Variants in ENTREP2 observed in about 807,000 individuals in gnomAD.
ENTREP2 encodes endosomal transmembrane epsin interactor 2.
chr15:29,203,169 G>A, the ENTREP2 span, among the ~76,000 whole-genome samples: 1 of 152,226 alleles, frequency 6.6e-6, no homozygotes, highest in South Asian at 2.1e-4. Context: ...TTGGGAGGCC[G>A]AGGCAGGCGG....
the ENTREP2 span, among the ~76,000 whole-genome samples, chr15:29,645,048 C>T: frequency 6.6e-6 from 1 of 152,006 alleles, no homozygotes; most frequent in Non-Finnish European, 1.5e-5. Context: ...AAGGTGCCAT[C>T]TCTGAAAAAA....
chr15:29,391,987 G>C, the ENTREP2 span, among the ~76,000 whole-genome samples: 1 of 152,130 alleles, frequency 6.6e-6, no homozygotes. Context: ...ACCATGCCTG[G>C]CTAATTTTTT....
At chr15:29,618,209 G>T in the ENTREP2 span, among the ~76,000 whole-genome samples, 6 of 152,096 alleles carry the variant, frequency 3.9e-5, no homozygotes, top group Non-Finnish European at 8.8e-5. Context: ...AGATCACAAG[G>T]TCAGGAGTTC....
At chr15:29,286,142 C>T in the ENTREP2 span, among the ~76,000 whole-genome samples, 1 of 152,082 alleles carries the variant, frequency 6.6e-6, no homozygotes, top group African/African-American at 2.4e-5. Context: ...ACAAAGAAAG[C>T]TGCCATCATC....
At chr15:29,471,396 G>A in the ENTREP2 span, among the ~76,000 whole-genome samples, 5 of 152,240 alleles carry the variant, frequency 3.3e-5, no homozygotes, top group African/African-American at 7.2e-5. Context: ...GGACTGGGAT[G>A]TGCTACAAAT....
chr15:29,471,214 T>C, the ENTREP2 span, among the ~76,000 whole-genome samples: 1 of 152,250 alleles, frequency 6.6e-6, no homozygotes, highest in South Asian at 2.1e-4. Flanking sequence ...TTTCACATAC[T>C]GAGCTTCCTC....
the ENTREP2 span, among the ~76,000 whole-genome samples, chr15:29,465,026 A>C: frequency 6.6e-6 from 1 of 152,204 alleles, no homozygotes; most frequent in Non-Finnish European, 1.5e-5. Flanking sequence ...GGAAAGGAAA[A>C]AAGCATGGGG....
the ENTREP2 span, among the ~76,000 whole-genome samples, chr15:29,431,505 T>C: frequency 6.6e-6 from 1 of 152,064 alleles, no homozygotes; most frequent in Non-Finnish European, 1.5e-5. Flanking sequence ...GGAGACATTT[T>C]ACAGACATGC....
chr15:29,443,960 C>G, the ENTREP2 span, among the ~76,000 whole-genome samples: 4 of 151,944 alleles, frequency 2.6e-5, no homozygotes, highest in African/African-American at 4.8e-5. Flanking sequence ...AAACATTAGC[C>G]AGGCGTGATG....
chr15:29,139,496 T>A, the ENTREP2 span, among the ~76,000 whole-genome samples: 1 of 152,204 alleles, frequency 6.6e-6, no homozygotes, highest in African/African-American at 2.4e-5. Context: ...CTATCAGAAA[T>A]TAGAAAAAAT....
the ENTREP2 span, among the ~76,000 whole-genome samples, chr15:29,471,992 G>A: frequency 6.6e-6 from 1 of 152,140 alleles, no homozygotes; most frequent in African/African-American, 2.4e-5. Flanking sequence ...CTGGGGTGGA[G>A]CAGAGGGTGG....
chr15:29,474,284 G>A, the ENTREP2 span, among the ~76,000 whole-genome samples: 1 of 152,062 alleles, frequency 6.6e-6, no homozygotes, highest in Non-Finnish European at 1.5e-5. Context: ...TGGGGCGGGG[G>A]CCATCCCCAC....
At chr15:29,603,547 G>A in the ENTREP2 span, among the ~76,000 whole-genome samples, 1 of 152,162 alleles carries the variant, frequency 6.6e-6, no homozygotes, top group African/African-American at 2.4e-5. Context: ...CTCTTCGGGG[G>A]CAAGAGAGAA....
the ENTREP2 span, chr15:29,151,958 G>A: frequency 2.7e-6 from 2 of 753,720 alleles, no homozygotes; most frequent in African/African-American, 3.5e-5. Flanking sequence ...CTTCATGGAG[G>A]TTTTGTTTTG....
chr15:29,387,492 A>G, the ENTREP2 span, among the ~76,000 whole-genome samples: 1 of 152,258 alleles, frequency 6.6e-6, no homozygotes, highest in Non-Finnish European at 1.5e-5. Context: ...ATGGAAGAAC[A>G]TTCCATGCTC....
At chr15:29,268,060 T>A in the ENTREP2 span, 1 of 152,216 alleles carries the variant, frequency 6.6e-6, no homozygotes, top group Non-Finnish European at 1.5e-5. Flanking sequence ...CAAAACAGCA[T>A]TGACCTTAAT....
the ENTREP2 span, among the ~76,000 whole-genome samples, chr15:29,450,299 G>T: frequency 1.3e-5 from 2 of 152,060 alleles, no homozygotes; most frequent in African/African-American, 2.4e-5. Flanking sequence ...TGAAATCTTT[G>T]CCAGTTTCCA....
the ENTREP2 span, among the ~76,000 whole-genome samples, chr15:29,245,833 A>G: frequency 6.6e-6 from 1 of 152,178 alleles, no homozygotes; most frequent in Non-Finnish European, 1.5e-5. Context: ...GACAACACAC[A>G]AGTTTGGATC....
the ENTREP2 span, among the ~76,000 whole-genome samples, chr15:29,134,218 C>G: frequency 6.6e-6 from 1 of 152,198 alleles, no homozygotes; most frequent in Non-Finnish European, 1.5e-5. Flanking sequence ...GCAGAGGTCC[C>G]AGCTCAGCTT....
Sources: gnomAD v4.1 joint callset for allele counts (sites outside exome capture counted in the v4.1 genomes callset) on GRCh38, gnomAD v4.1.1 for gene constraint, MANE v1.5 for transcripts, NCBI Gene and HGNC (gene_info 2026-07-23, HGNC 2026-07-21) for gene names.